The following CIMAP1D variants were observed in gnomAD, a reference collection of about 807,000 sequenced individuals.
The protein encoded by CIMAP1D is CIMAP1 family member D.
At chr19:484,139 C>CTTTTTTTTT in the CIMAP1D span, among the ~76,000 whole-genome samples, 3 of 129,442 alleles carry the variant, frequency 2.3e-5, no homozygotes, top group African/African-American at 2.9e-5. Flanking sequence ...TTTTCTTTTT[C>CTTTTTTTTT]TTTTTTTTTT....
the CIMAP1D span, among the ~76,000 whole-genome samples, chr19:466,643 T>G: frequency 1.1e-5 from 1 of 90,518 alleles, no homozygotes; most frequent in Non-Finnish European, 2.1e-5. Context: ...GGTGGATAGA[T>G]GGAGGGGTGG....
chr19:474,997 C>T, the CIMAP1D span: 1 of 399,388 alleles, frequency 2.5e-6, no homozygotes, highest in Non-Finnish European at 4.4e-6. Context: ...GGCCAGGCGG[C>T]TGGATGGTCC....
At chr19:488,711 T>A in the CIMAP1D span, among the ~76,000 whole-genome samples, 3 of 151,766 alleles carry the variant, frequency 2.0e-5, no homozygotes, top group Non-Finnish European at 4.4e-5. Flanking sequence ...GACCGGGCCC[T>A]GCGGCCCCGA....
chr19:486,365 C>G, the CIMAP1D span, among the ~76,000 whole-genome samples: 57 of 152,256 alleles, frequency 3.7e-4, no homozygotes, highest in Middle Eastern at 3.4e-3. Context: ...AACTCCCTCC[C>G]CCTCCAGGAA....
the CIMAP1D span, chr19:472,474 G>C: frequency 1.2e-4 from 178 of 1,546,084 alleles, 2 homozygotes; most frequent in South Asian, 1.9e-3. Context: ...CACGGTGGAC[G>C]GCAGGACATA....
At chr19:490,281 G>C in the CIMAP1D span, 1 of 278,496 alleles carries the variant, frequency 3.6e-6, no homozygotes. Flanking sequence ...ACTTGAACCC[G>C]TGAGGTGGAG....
At chr19:475,953 T>G in the CIMAP1D span, among the ~76,000 whole-genome samples, 1 of 150,136 alleles carries the variant, frequency 6.7e-6, no homozygotes, top group African/African-American at 2.4e-5. Flanking sequence ...TTTATATTTT[T>G]TAGTAGAGAT....
chr19:464,148 G>T, the CIMAP1D span: 5 of 599,754 alleles, frequency 8.3e-6, no homozygotes, highest in Non-Finnish European at 1.4e-5. Context: ...GGCGGGGGGG[G>T]TGCGGCCCAC....
At chr19:491,317 A>G in the CIMAP1D span, among the ~76,000 whole-genome samples, 1 of 152,228 alleles carries the variant, frequency 6.6e-6, no homozygotes, top group African/African-American at 2.4e-5. Flanking sequence ...AGTGCCCTTT[A>G]TGGTGTTTGC....
chr19:484,392 T>C, the CIMAP1D span, among the ~76,000 whole-genome samples: 35 of 152,194 alleles, frequency 2.3e-4, no homozygotes, highest in Admixed American at 7.9e-4. Flanking sequence ...CCGCCCGCCT[T>C]GGCCTCCTAA....
the CIMAP1D span, among the ~76,000 whole-genome samples, chr19:475,530 T>C: frequency 1.3e-5 from 2 of 151,948 alleles, no homozygotes; most frequent in Non-Finnish European, 2.9e-5. Context: ...AACTGAACAG[T>C]CCCAAAGCAG....
chr19:488,299 G>A, the CIMAP1D span, among the ~76,000 whole-genome samples: 3 of 151,864 alleles, frequency 2.0e-5, no homozygotes, highest in African/African-American at 7.3e-5. Context: ...GAGGCGGGCA[G>A]ATCACGAGGT....
chr19:488,727 G>T, the CIMAP1D span, among the ~76,000 whole-genome samples: 1 of 151,838 alleles, frequency 6.6e-6, no homozygotes, highest in Admixed American at 6.6e-5. Flanking sequence ...CCCGACCCCC[G>T]CAGCGAGCCC....
chr19:487,165 C>T, the CIMAP1D span, among the ~76,000 whole-genome samples: 3 of 152,186 alleles, frequency 2.0e-5, no homozygotes, highest in African/African-American at 4.8e-5. Context: ...ATTGCAGCGG[C>T]GGCTGGAGCT....
chr19:490,825 G>A, the CIMAP1D span, among the ~76,000 whole-genome samples: 2 of 152,198 alleles, frequency 1.3e-5, no homozygotes, highest in Admixed American at 6.5e-5. Context: ...TTGGCCAGGC[G>A]CGGTGGCTCA....
the CIMAP1D span, among the ~76,000 whole-genome samples, chr19:485,026 C>A: frequency 6.6e-6 from 1 of 151,894 alleles, no homozygotes; most frequent in African/African-American, 2.4e-5. Flanking sequence ...TGGGTGGGTT[C>A]TGGGCCTGTC....
the CIMAP1D span, among the ~76,000 whole-genome samples, chr19:481,059 T>G: frequency 1.5e-5 from 2 of 130,022 alleles, no homozygotes; most frequent in Non-Finnish European, 3.2e-5. Flanking sequence ...GGAAGGATGA[T>G]GGAAAGGATG....
At chr19:490,656 A>T in the CIMAP1D span, among the ~76,000 whole-genome samples, 2 of 152,186 alleles carry the variant, frequency 1.3e-5, no homozygotes, top group East Asian at 3.9e-4. Flanking sequence ...TTCTAAGTTG[A>T]TATTCGTGTT....
the CIMAP1D span, chr19:463,572 TCCCTTTCCCCA>T: frequency 1.9e-6 from 1 of 522,332 alleles, no homozygotes; most frequent in African/African-American, 2.0e-5. Flanking sequence ...CCGGAAGGTG[TCCCTTTCCCCA>T]CCTGGCCTGG....
Sources: gnomAD v4.1 joint callset for allele counts (sites outside exome capture counted in the v4.1 genomes callset) on GRCh38, gnomAD v4.1.1 for gene constraint, MANE v1.5 for transcripts, NCBI Gene and HGNC (gene_info 2026-07-23, HGNC 2026-07-21) for gene names.